GPHN: variants seen among roughly 807,000 people sequenced by gnomAD.
GPHN encodes gephyrin.
In GPHN, 17 loss-of-function variants were observed where a neutral mutation model predicts 95.5. That is an observed-to-expected ratio of 0.18 (90% CI 0.12 to 0.27). The LOEUF is 0.27. Ranked by LOEUF, GPHN falls within the 10% of genes least tolerant of loss-of-function variation. The pLI is 1.00. For missense variants in GPHN, 660 were observed against 978.1 expected (o/e 0.67, Z 4.34); for synonymous variants, 320 against 322.5 (o/e 0.99, Z 0.08).
At chr14:66,879,380 A>G (rs901016054) in intron 4 of GPHN, among the ~76,000 whole-genome samples, 29 of 146,066 alleles carry the variant, frequency 2.0e-4, no homozygotes, top group African/African-American at 7.6e-4. Context: ...GAGAAATCTG[A>G]AAAAAAAAAG....
chr14:67,548,637 C>A, the GPHN span, among the ~76,000 whole-genome samples: 1 of 152,112 alleles, frequency 6.6e-6, no homozygotes, highest in Non-Finnish European at 1.5e-5. Flanking sequence ...GCAGAGGTTG[C>A]GGTGAGCCAA....
chr14:66,654,251 C>G (rs915425603), intron 1 of GPHN, among the ~76,000 whole-genome samples: 1 of 151,892 alleles, frequency 6.6e-6, no homozygotes, highest in Non-Finnish European at 1.5e-5. Flanking sequence ...TACAGATGTG[C>G]GCCACCATGC....
intron 11 of GPHN, among the ~76,000 whole-genome samples, chr14:67,060,593 G>T (rs143785853): frequency 8.7e-4 from 132 of 152,286 alleles, no homozygotes; most frequent in Middle Eastern, 3.4e-3. Flanking sequence ...GTTAAGTCCT[G>T]TATTTGCAAA....
chr14:66,622,742 T>A (rs2063360097), intron 1 of GPHN, among the ~76,000 whole-genome samples: 1 of 152,192 alleles, frequency 6.6e-6, no homozygotes, highest in Non-Finnish European at 1.5e-5. Flanking sequence ...GAGTCACCTT[T>A]GCTCCAGTTT....
intron 2 of GPHN, among the ~76,000 whole-genome samples, chr14:66,704,265 A>G (rs1476932212): frequency 2.0e-5 from 3 of 152,136 alleles, no homozygotes; most frequent in East Asian, 3.9e-4. Flanking sequence ...ACAAGAGAGA[A>G]AATTAACAAG....
intron 5 of GPHN, among the ~76,000 whole-genome samples, chr14:66,890,139 C>T (rs1018693472): frequency 2.6e-5 from 4 of 152,138 alleles, no homozygotes; most frequent in Admixed American, 2.0e-4. Context: ...CAGCTGGGTA[C>T]GGTGGCTCAC....
the GPHN span, among the ~76,000 whole-genome samples, chr14:67,717,353 A>G: frequency 6.6e-6 from 1 of 152,218 alleles, no homozygotes; most frequent in Admixed American, 6.5e-5. Flanking sequence ...GAGTGATTAG[A>G]GGTAAACAGA....
chr14:66,745,115 A>G (rs1283383768), intron 2 of GPHN, among the ~76,000 whole-genome samples: 1 of 152,020 alleles, frequency 6.6e-6, no homozygotes, highest in Admixed American at 6.6e-5. Flanking sequence ...TGAATTCATT[A>G]TTTTCACCTT....
At chr14:66,974,334 G>A (rs750512178) in intron 9 of GPHN, among the ~76,000 whole-genome samples, 3 of 151,750 alleles carry the variant, frequency 2.0e-5, no homozygotes, top group Non-Finnish European at 2.9e-5. Flanking sequence ...ATTTTACCTC[G>A]ATTTTTCTTT....
At chr14:67,296,882 T>C in the GPHN span, among the ~76,000 whole-genome samples, 1 of 152,096 alleles carries the variant, frequency 6.6e-6, no homozygotes, top group Non-Finnish European at 1.5e-5. Context: ...CTCAAACTCT[T>C]GGGCTCAAAC....
the GPHN span, among the ~76,000 whole-genome samples, chr14:67,480,417 G>A: frequency 6.6e-6 from 1 of 152,178 alleles, no homozygotes; most frequent in South Asian, 2.1e-4. Context: ...TGTGGCTACC[G>A]AGGGATGAAT....
At chr14:67,355,582 T>C in the GPHN span, among the ~76,000 whole-genome samples, 1 of 149,636 alleles carries the variant, frequency 6.7e-6, no homozygotes, top group South Asian at 2.1e-4. Flanking sequence ...TTAGATTGGG[T>C]GATCAGGAAC....
intron 9 of GPHN, among the ~76,000 whole-genome samples, chr14:66,966,344 C>T (rs1008470130): frequency 6.6e-6 from 1 of 151,952 alleles, no homozygotes; most frequent in African/African-American, 2.4e-5. Flanking sequence ...ACAATCTTCT[C>T]AGCAATGTTT....
the GPHN span, among the ~76,000 whole-genome samples, chr14:67,198,776 T>G: frequency 1.3e-5 from 2 of 152,224 alleles, no homozygotes; most frequent in Non-Finnish European, 2.9e-5. Flanking sequence ...CCCTACATTA[T>G]GAATGAAACT....
chr14:67,418,570 G>T, the GPHN span, among the ~76,000 whole-genome samples: 7 of 152,172 alleles, frequency 4.6e-5, no homozygotes, highest in Non-Finnish European at 1.0e-4. Context: ...GCGCGGCCCA[G>T]ATAGGGGCTG....
At chr14:67,585,682 A>AC in the GPHN span, 1 of 1,431,588 alleles carries the variant, frequency 7.0e-7, no homozygotes, top group Non-Finnish European at 9.6e-7. Flanking sequence ...CTGCTCCCTG[A>AC]CCCCTCCTCT....
At chr14:66,903,655 G>A (rs1434756042) in intron 5 of GPHN, among the ~76,000 whole-genome samples, 1 of 151,984 alleles carries the variant, frequency 6.6e-6, no homozygotes, top group Non-Finnish European at 1.5e-5. Flanking sequence ...TGTTATTATT[G>A]ATAAGTAAGG....
chr14:66,728,764 T>G (rs1291177756), intron 2 of GPHN, among the ~76,000 whole-genome samples: 1 of 152,220 alleles, frequency 6.6e-6, no homozygotes, highest in Non-Finnish European at 1.5e-5. Flanking sequence ...TTATCTCAGA[T>G]GAGACTTTGG....
intron 9 of GPHN, among the ~76,000 whole-genome samples, chr14:67,009,908 A>G (rs1176054684): frequency 1.3e-5 from 2 of 151,728 alleles, no homozygotes; most frequent in African/African-American, 4.8e-5. Flanking sequence ...ATAGGCGCAC[A>G]CCACTGTATC....
Sources: gnomAD v4.1 joint callset for allele counts (sites outside exome capture counted in the v4.1 genomes callset) on GRCh38, gnomAD v4.1.1 for gene constraint, MANE v1.5 for transcripts, NCBI Gene and HGNC (gene_info 2026-07-23, HGNC 2026-07-21) for gene names.